PIGR: variants seen among roughly 807,000 people sequenced by gnomAD.
PIGR encodes hepatocellular carcinoma associated protein TB6.
PIGR carries 22 observed loss-of-function variants against 69.5 expected under a neutral mutation model. That is an observed-to-expected ratio of 0.32 (90% confidence interval 0.23 to 0.45). The LOEUF (loss-of-function observed/expected upper bound fraction) is 0.45. Ranked by LOEUF, PIGR falls within the 20% of genes least tolerant of loss-of-function variation. PIGR has a pLI of 1.00. For missense variants in PIGR, 885 were observed against 974.0 expected, an observed-to-expected ratio of 0.91 and a Z score of 1.22; for synonymous variants, 413 against 407.6, an observed-to-expected ratio of 1.01 and a Z score of -0.16.
rs1395804933 is a variant in PIGR at position 206,931,504 on chromosome 1, G to A, written c.2192C>T (p.Ala731Val). Reference protein sequence around the residue: ...STTETKEPKKAKRSSKEEAEM... With the variant: ...STTETKEPKKVKRSSKEEAEM... The stretch of plus-strand genomic sequence containing the variant: ...TTCCTTCTTCCTCCTCACCCTTTTT[G>A]CCTTCTTGGGTTCTTTGGTCTCTGT... Residue 731 changes from alanine to valine, a missense_variant, in exon 10 of 11, where the codon GCA becomes GTA. Physicochemically the swap from Ala to Val is moderately conservative, Grantham distance 64 (BLOSUM62 0). Transcript: ENST00000356495. 5.0e-6 allele frequency: 8 copies of A among 1,613,470 alleles called. No homozygotes were observed. The Admixed American group carries it at 5.0e-5, about 10-fold the overall frequency.
chr1:206,941,332 A>G (rs769059736), intron 1 of PIGR, among the ~76,000 whole-genome samples: 3 of 152,200 alleles, frequency 2.0e-5, no homozygotes, highest in Non-Finnish European at 4.4e-5. Context: ...TGCAAAGTCC[A>G]TGTGCTTAAC....
At position 206,940,646 on chromosome 1, in the gene PIGR, A is replaced by C. The variant is rs1272156804; in HGVS notation, c.-53-62T>G. ...TTGTCTTCCAAGACTAGTTGACCTT[A>C]GAGTTTCTGTGACATCTATTTGGCT... On this transcript the variant is annotated intron_variant, in intron 1 of 10. Transcript: ENST00000356495. The C allele has an allele frequency of 2.8e-6, 3 of 1,053,212 alleles. No homozygotes were observed. In the East Asian group the frequency reaches 8.4e-5, roughly 29 times the overall value. 65.2% of individuals were successfully genotyped at this position (1,053,212 alleles called of 1,614,324 possible). A position where few individuals can be genotyped will look rare whatever the true frequency, so the allele number is the denominator to read the frequency against.
intron 1 of PIGR, among the ~76,000 whole-genome samples, chr1:206,945,786 T>G (rs1312550668): frequency 6.6e-6 from 1 of 152,208 alleles, no homozygotes; most frequent in Non-Finnish European, 1.5e-5. Flanking sequence ...ACTATCTAAT[T>G]CCAGGTCTGT....
Position 206,930,184 on chromosome 1 carries a change from G to A in PIGR, c.*134C>T, listed in dbSNP as rs951103660. ...ATGTCACTGAGGAGGGGACCAGCAC[G>A]CCTCTGAGGACAGTAGGAAAAACCT... is the stretch of plus-strand genomic sequence containing the variant. On this transcript the variant is annotated 3_prime_UTR_variant, in exon 11 of 11. Coordinates refer to ENST00000356495, the MANE Select transcript of PIGR (RefSeq NM_002644.4). This position sits in a 1 kb window ranked among gnomAD's most constrained non-coding sequence, Gnocchi z 4.3. 3.1e-5 allele frequency: 19 copies of A among 619,064 alleles called. No individual in the cohort carries two copies. Among genetic ancestry groups the A allele is most frequent in the South Asian group, 2.0e-4 (8 of 39,242 alleles). 38.3% of individuals were successfully genotyped at this position (619,064 alleles called of 1,614,324 possible).
At position 206,935,660 on chromosome 1, in the gene PIGR, C is replaced by T. The variant is rs202022300; in HGVS notation, c.1204G>A (p.Glu402Lys). 63 of 1,614,026 alleles carry T rather than the reference C, an allele frequency of 3.9e-5. No individual in the cohort carries two copies. Among genetic ancestry groups the T allele is most frequent in the Non-Finnish European group, 4.7e-5 (56 of 1,179,968 alleles). ...NGRCPLLVDS[E>K]GWVKAQYEGR... ...TCGTACTGGGCCTTAACCCACCCCTCGCTGTCCACCAGCAGGGGGCAGCGG... is the reference window on the plus strand; with the variant it reads ...TCGTACTGGGCCTTAACCCACCCCTTGCTGTCCACCAGCAGGGGGCAGCGG... The change falls in exon 5 of 11, where the codon GAG (glutamate) becomes AAG (lysine). Residue 402 changes from glutamate (E) to lysine (K), a missense_variant. By Grantham distance (56) the Glu-to-Lys change is moderately conservative (BLOSUM62 1). Coordinates refer to ENST00000356495, the MANE Select transcript of PIGR (RefSeq NM_002644.4). This position sits in a 1 kb window ranked among gnomAD's most constrained non-coding sequence, Gnocchi z 4.4.
intron 3 of PIGR, among the ~76,000 whole-genome samples, chr1:206,938,563 T>C (rs1178155497): frequency 6.6e-6 from 1 of 152,210 alleles, no homozygotes; most frequent in African/African-American, 2.4e-5. Flanking sequence ...TTTTTTCTCT[T>C]TCTCCAACTA....
chr1:206,936,964 TC>T (rs375554782), intron 4 of PIGR, 130 bp downstream of exon 4: 58 of 887,980 alleles, frequency 6.5e-5, no homozygotes, highest in Non-Finnish European at 9.2e-5. Context: ...AGCCTCCAGT[TC>T]GGGGCTGGTC....
At chr1:206,945,408 G>A (rs914429399) in intron 1 of PIGR, among the ~76,000 whole-genome samples, 6 of 152,204 alleles carry the variant, frequency 3.9e-5, no homozygotes, top group Admixed American at 6.5e-5. Flanking sequence ...CGGTCCCACT[G>A]CTGGCTTGGG....
intron 1 of PIGR, among the ~76,000 whole-genome samples, chr1:206,941,767 A>G (rs1410900631): frequency 6.6e-6 from 1 of 152,242 alleles, no homozygotes; most frequent in African/African-American, 2.4e-5. Context: ...GCCTGACAGC[A>G]GCTGTCATCA....
intron 7 of PIGR, 66 bp from the exon 8 acceptor site, chr1:206,932,643 A>G: frequency 1.3e-6 from 2 of 1,530,718 alleles, no homozygotes; most frequent in Non-Finnish European, 1.8e-6. Context: ...ATGTGCTGGC[A>G]AGGTTGGCTT....
At position 206,934,405 on chromosome 1, in the gene PIGR, T is replaced by C; in HGVS notation, c.1705+15A>G. 6.2e-7 allele frequency: 1 copy of C among 1,608,410 alleles called. No individual in the cohort carries two copies. The highest frequency in any genetic ancestry group is 8.5e-7 in the Non-Finnish European group (1 of 1,176,644). On this transcript the variant is annotated intron_variant, in intron 6 of 10. Transcript: ENST00000356495. ...CTGGGTCTGAGGGGTGCAGGCCCTGTCCTTGGAGACTCACCCGCTGCCTTC... is the reference window on the plus strand; with the variant it reads ...CTGGGTCTGAGGGGTGCAGGCCCTGCCCTTGGAGACTCACCCGCTGCCTTC...
chr1:206,928,615 AGGAAAAAAGAAATTAAATTTTAGCTTTCT>A lies in PIGR; in HGVS notation c.*1674_*1702del, dbSNP rs1351869957. On this transcript the variant is annotated 3_prime_UTR_variant, in exon 11 of 11. Coordinates refer to ENST00000356495, the MANE Select transcript of PIGR (RefSeq NM_002644.4). ...AGGCTGGTTGAAGTACAGAACTCAGAGGAAAAAAGAAATTAAATTTTAGCTTTCTGGAGAGCAGCCCCTCTCTGGCACCA... is the reference window on the plus strand; with the variant it reads ...AGGCTGGTTGAAGTACAGAACTCAGAGGAGAGCAGCCCCTCTCTGGCACCA... 6.6e-6 allele frequency: 1 copy of A among 152,622 alleles called. No homozygotes were observed. The highest frequency in any genetic ancestry group is 6.5e-5 in the Admixed American group (1 of 15,280). 9.5% of individuals were successfully genotyped at this position (152,622 alleles called of 1,614,324 possible).
rs944953867 is a variant in PIGR at position 206,930,990 on chromosome 1, G to C, written c.2199+507C>G. ...GGGCAGATTGAGGGGATGGTATATG[G>C]CACCCAAGGCAGGAGTTGCCTCTGG... On this transcript the variant is annotated intron_variant, in intron 10 of 10. Coordinates refer to ENST00000356495, the MANE Select transcript of PIGR (RefSeq NM_002644.4). The surrounding 1 kb of genome is among the most constrained non-coding windows in gnomAD (Gnocchi z 4.3). 4 of 985,286 alleles carry C rather than the reference G, an allele frequency of 4.1e-6. No homozygotes were observed. The highest frequency in any genetic ancestry group is 6.1e-5 in the Admixed American group (1 of 16,270). The allele number at this position is 985,286 out of a possible 1,614,324, so 61.0% of individuals were successfully genotyped here. A position where few individuals can be genotyped will look rare whatever the true frequency, so the allele number is the denominator to read the frequency against.
rs1375768707 is a variant in PIGR at position 206,937,386 on chromosome 1, A to C, written c.754T>G (p.Ser252Ala). ...CCCAGGGCACAGTGGAAGGTCACTGAGCCCCTCAGGTCTTCATAAACCAGC... is the reference window on the plus strand; with the variant it reads ...CCCAGGGCACAGTGGAAGGTCACTGCGCCCCTCAGGTCTTCATAAACCAGC... ...PELVYEDLRG[S>A]VTFHCALGPE... The change falls in exon 4 of 11, where the codon TCA becomes GCA. Residue 252 changes from serine to alanine, a missense_variant. By Grantham distance (99) the Ser-to-Ala change is moderately conservative. Coordinates refer to ENST00000356495, the MANE Select transcript of PIGR (RefSeq NM_002644.4). 6.2e-7 allele frequency: 1 copy of C among 1,613,836 alleles called. No homozygotes were observed. The highest frequency in any genetic ancestry group is 8.5e-7 in the Non-Finnish European group (1 of 1,179,878).
rs1482812847 is a variant in PIGR at position 206,929,035 on chromosome 1, C to G, written c.*1283G>C. On this transcript the variant is annotated 3_prime_UTR_variant, in exon 11 of 11. Transcript: ENST00000356495. ...ATCACTTGAGGCCAGGAGTTCGAGA[C>G]CAGTCTCGTCAACATGGCGAAACCC... 2.8e-5 allele frequency: 4 copies of G among 142,772 alleles called. No homozygotes were observed. Among genetic ancestry groups the G allele is most frequent in the African/African-American group, 1.1e-4 (4 of 36,774 alleles). 8.8% of individuals were successfully genotyped at this position (142,772 alleles called of 1,614,324 possible).
chr1:206,930,516 A>G lies in PIGR; in HGVS notation c.2200-103T>C. 1 of 1,428,774 alleles carries G rather than the reference A, an allele frequency of 7.0e-7. No homozygotes were observed. Among genetic ancestry groups the G allele is most frequent in the East Asian group, 2.6e-5 (1 of 38,294 alleles). 88.5% of individuals were successfully genotyped at this position (1,428,774 alleles called of 1,614,324 possible). ...TGTCCTGAATTCGTGATCTTGGTCC[A>G]AGCAACACAAGCCTTTGGGGCCCAC... is the stretch of plus-strand genomic sequence containing the variant. On this transcript the variant is annotated intron_variant, in intron 10 of 10. Transcript: ENST00000356495. The surrounding 1 kb of genome is among the most constrained non-coding windows in gnomAD (Gnocchi z 4.3).
At position 206,939,366 on chromosome 1, in the gene PIGR, G is replaced by T; in HGVS notation, c.141C>A (p.Val47=). ...ACCAGTACTTCCGGGTGTGCCGGTT[G>T]ACAGAGGTGGGTGGGTAGTAGCACG... is the stretch of plus-strand genomic sequence containing the variant. The part of the protein sequence containing the change: ...SITCYYPPTS[V]NRHTRKYWCR... Residue 47 remains valine (V), a synonymous_variant, in exon 3 of 11, where the codon GTC becomes GTA. Coordinates refer to ENST00000356495, the MANE Select transcript of PIGR (RefSeq NM_002644.4). The T allele has an allele frequency of 6.2e-7, 1 of 1,614,238 alleles. No homozygotes were observed. The highest frequency in any genetic ancestry group is 1.1e-5 in the South Asian group (1 of 91,074).
chr1:206,940,456 G>A, intron 2 of PIGR, 33 bp downstream of exon 2: 1 of 1,549,392 alleles, frequency 6.5e-7, no homozygotes, highest in Non-Finnish European at 8.7e-7. Flanking sequence ...CTGAAGGGGT[G>A]GAGCTTGGAG....
At position 206,930,352 on chromosome 1, in the gene PIGR, G is replaced by A; in HGVS notation, c.2261C>T (p.Ala754Val). The A allele has an allele frequency of 6.2e-7, 1 of 1,611,986 alleles. No homozygotes were observed. Among genetic ancestry groups the A allele is most frequent in the East Asian group, 2.2e-5 (1 of 44,628 alleles). ...CTGGGGGCCGTCCTGGGCCTCGGCG[G>A]CCACGGTGCTGGACTGGAGCAGGAA... is the stretch of plus-strand genomic sequence containing the variant. ...KDFLLQSSTV[A>V]AEAQDGPQEA is the part of the protein sequence containing the mutation. Residue 754 changes from alanine (A) to valine (V), a missense_variant, in exon 11 of 11, where the codon GCC becomes GTC. Physicochemically the swap from Ala to Val is moderately conservative, Grantham distance 64. Coordinates refer to ENST00000356495, the MANE Select transcript of PIGR (RefSeq NM_002644.4). The surrounding 1 kb of genome is among the most constrained non-coding windows in gnomAD (Gnocchi z 4.3).
Sources: allele counts gnomAD v4.1 joint callset (sites outside exome capture counted in the v4.1 genomes callset), GRCh38; gene constraint gnomAD v4.1.1; non-coding constraint Gnocchi (gnomAD v3.1); transcripts MANE v1.5; gene names NCBI Gene and HGNC (gene_info 2026-07-23, HGNC 2026-07-21).